Variants in AKAP6 observed in about 807,000 individuals in gnomAD.
The protein encoded by AKAP6 is A-kinase anchoring protein 6, also known as A-kinase anchor protein 6.
A neutral mutation model predicts 188.5 loss-of-function variants in AKAP6; 58 were observed. That is an observed-to-expected ratio of 0.31 (90% CI 0.25 to 0.38). The LOEUF (loss-of-function observed/expected upper bound fraction) is 0.38, where lower values mean the gene tolerates loss of function less well. Among genes scored for constraint, AKAP6 ranks in the 10% least tolerant of loss-of-function variants. The pLI, the probability that AKAP6 is intolerant of heterozygous loss-of-function variation, is 1.00. For synonymous variants in AKAP6, 989 were observed against 998.6 expected, an observed-to-expected ratio of 0.99 and a Z score of 0.18; for missense variants, 2,710 against 2,740.0, an observed-to-expected ratio of 0.99 and a Z score of 0.24.
intron 11 of AKAP6, 83 bp from the exon 12 acceptor site, chr14:32,773,595 A>C (rs1466628583): frequency 7.7e-7 from 1 of 1,300,762 alleles, no homozygotes; most frequent in African/African-American, 1.5e-5. Context: ...TACAATTTGA[A>C]ATTATGATGG....
At chr14:32,813,394 C>CA (rs981725959) in intron 12 of AKAP6, among the ~76,000 whole-genome samples, 5 of 118,008 alleles carry the variant, frequency 4.2e-5, no homozygotes, top group African/African-American at 1.0e-4. Context: ...ACCCTACCCC[C>CA]CCCCCCAACC....
intron 5 of AKAP6, among the ~76,000 whole-genome samples, chr14:32,583,460 GGC>G (rs1367553307): frequency 2.8e-4 from 43 of 152,248 alleles, no homozygotes; most frequent in African/African-American, 9.9e-4. Context: ...CATTTGAGGA[GGC>G]AGTCTTCCCG....
At chr14:32,489,393 A>G (rs775966717) in intron 2 of AKAP6, among the ~76,000 whole-genome samples, 5 of 152,096 alleles carry the variant, frequency 3.3e-5, no homozygotes. Context: ...AATTTTTTAT[A>G]GAGATGATGT....
intron 7 of AKAP6, among the ~76,000 whole-genome samples, chr14:32,602,335 A>G (rs1030242292): frequency 1.3e-5 from 2 of 152,124 alleles, no homozygotes; most frequent in African/African-American, 4.8e-5. Flanking sequence ...ATCTCTGCAA[A>G]AAGTGAAAGA....
intron 4 of AKAP6, among the ~76,000 whole-genome samples, chr14:32,556,532 A>G (rs1883696198): frequency 6.6e-6 from 1 of 151,976 alleles, no homozygotes; most frequent in African/African-American, 2.4e-5. Flanking sequence ...TTGTAGAGGC[A>G]GGGTTTTACT....
At chr14:32,424,141 AG>A (rs1272496085) in intron 1 of AKAP6, among the ~76,000 whole-genome samples, 1 of 152,170 alleles carries the variant, frequency 6.6e-6, no homozygotes, top group Non-Finnish European at 1.5e-5. Flanking sequence ...GGTAAGTAAG[AG>A]TGCATGTATT....
chr14:32,781,207 G>C (rs1199162673), intron 12 of AKAP6, among the ~76,000 whole-genome samples: 1 of 151,596 alleles, frequency 6.6e-6, no homozygotes, highest in East Asian at 1.9e-4. Flanking sequence ...ATTGATTAGG[G>C]AAAAAAAGAG....
At chr14:32,729,432 G>A (rs777539199) in intron 9 of AKAP6, among the ~76,000 whole-genome samples, 10 of 152,018 alleles carry the variant, frequency 6.6e-5, no homozygotes, top group Admixed American at 1.3e-4. Context: ...TAGCATTTGT[G>A]CTAAAAGTAA....
chr14:32,395,963 A>C (rs1888865583), intron 1 of AKAP6, among the ~76,000 whole-genome samples: 1 of 152,156 alleles, frequency 6.6e-6, no homozygotes, highest in Admixed American at 6.6e-5. Flanking sequence ...AATTGCTGCT[A>C]TACTTAATGT....
rs550265124 is a variant in AKAP6, at chr14:32,569,756, G to T, written c.2347-7364G>T. 7.2e-5 allele frequency among the ~76,000 whole-genome samples: 11 copies of T among 152,180 alleles called. No individual in the cohort carries two copies. The East Asian group carries it at 2.1e-3, about 29-fold the overall frequency. Reference sequence around the variant, plus strand: ...TTCTAATTTTACTTTTCTAAAAAAGGTTCTAATTTTACTTACCTTATTTAG... The same window carrying T: ...TTCTAATTTTACTTTTCTAAAAAAGTTTCTAATTTTACTTACCTTATTTAG... On this transcript the variant is annotated intron_variant, in intron 4 of 13. Transcript: ENST00000280979.
intron 2 of AKAP6, among the ~76,000 whole-genome samples, chr14:32,518,769 A>C (rs929806027): frequency 6.6e-6 from 1 of 152,164 alleles, no homozygotes; most frequent in African/African-American, 2.4e-5. Flanking sequence ...GGAAAACACT[A>C]TTCAGGATAT....
At chr14:32,800,963 G>A (rs760123458) in intron 12 of AKAP6, among the ~76,000 whole-genome samples, 1 of 152,134 alleles carries the variant, frequency 6.6e-6, no homozygotes, top group Non-Finnish European at 1.5e-5. Context: ...GCTGCAGTGA[G>A]CCATGATTGT....
At chr14:32,799,871 TTCTGCCTGC>T (rs1330319608) in intron 12 of AKAP6, among the ~76,000 whole-genome samples, 1 of 151,896 alleles carries the variant, frequency 6.6e-6, no homozygotes, top group Non-Finnish European at 1.5e-5. Context: ...CCTATTGATT[TTCTGCCTGC>T]TGGATCTATC....
intron 1 of AKAP6, among the ~76,000 whole-genome samples, chr14:32,406,376 A>G (rs1889295182): frequency 6.6e-6 from 1 of 151,978 alleles, no homozygotes; most frequent in African/African-American, 2.4e-5. Flanking sequence ...TGCCCAGCTA[A>G]TTTTTGTATT....
At chr14:32,689,941 C>G (rs768132239) in intron 8 of AKAP6, among the ~76,000 whole-genome samples, 2 of 151,910 alleles carry the variant, frequency 1.3e-5, no homozygotes, top group Non-Finnish European at 2.9e-5. Context: ...GCTAAAGAAG[C>G]TAGGAAAATT....
At chr14:32,774,059 A>G in intron 12 of AKAP6, 166 bp downstream of exon 12, 2 of 664,522 alleles carry the variant, frequency 3.0e-6, no homozygotes, top group South Asian at 1.8e-5. Flanking sequence ...TCATAGTTTT[A>G]CTACGAACTA....
intron 1 of AKAP6, among the ~76,000 whole-genome samples, chr14:32,405,773 G>T (rs1889270519): frequency 1.3e-5 from 2 of 152,006 alleles, no homozygotes; most frequent in South Asian, 4.2e-4. Context: ...TCTCTCTCCT[G>T]CCACCCTGTG....
At chr14:32,756,830 C>T (rs1383133034) in intron 11 of AKAP6, among the ~76,000 whole-genome samples, 1 of 152,114 alleles carries the variant, frequency 6.6e-6, no homozygotes, top group South Asian at 2.1e-4. Flanking sequence ...GAGACTGGGA[C>T]AGTGGATAGC....
intron 8 of AKAP6, among the ~76,000 whole-genome samples, chr14:32,678,853 TAGA>T (rs2076388161): frequency 6.6e-6 from 1 of 152,232 alleles, no homozygotes; most frequent in Non-Finnish European, 1.5e-5. Flanking sequence ...TTTGGAAACT[TAGA>T]AGAACATAAT....
Sources: allele counts gnomAD v4.1 joint callset (sites outside exome capture counted in the v4.1 genomes callset), GRCh38; gene constraint gnomAD v4.1.1; transcripts MANE v1.5; gene names NCBI Gene and HGNC (gene_info 2026-07-23, HGNC 2026-07-21).